SRGAP3: variants seen among roughly 807,000 people sequenced by gnomAD.
SRGAP3 encodes SLIT-ROBO Rho GTPase-activating protein 3.
In SRGAP3, 39 loss-of-function variants were observed where a neutral mutation model predicts 121.1. That is an observed-to-expected ratio of 0.32 (90% CI 0.25 to 0.42). SRGAP3 has a LOEUF of 0.42. Ranked by LOEUF, SRGAP3 falls within the 10% of genes least tolerant of loss-of-function variation. The pLI is 1.00. For synonymous variants in SRGAP3, 601 were observed against 570.0 expected (o/e 1.05, Z -0.77); for missense variants, 1,213 against 1,470.6 (o/e 0.82, Z 2.86).
chr3:9,285,444 GGA>G (rs1181568381), intron 3 of SRGAP3, among the ~76,000 whole-genome samples: 2 of 152,026 alleles, frequency 1.3e-5, no homozygotes, highest in Non-Finnish European at 2.9e-5. Flanking sequence ...CTACCTGTGA[GGA>G]GACTCATATT....
At chr3:9,198,849 T>C (rs1248376028) in intron 1 of SRGAP3, among the ~76,000 whole-genome samples, 1 of 152,110 alleles carries the variant, frequency 6.6e-6, no homozygotes, top group Non-Finnish European at 1.5e-5. Context: ...TGAAAACTCA[T>C]ACACAAACTG....
intron 17 of SRGAP3, among the ~76,000 whole-genome samples, chr3:9,012,652 G>A (rs949041992): frequency 3.3e-5 from 5 of 152,088 alleles, no homozygotes; most frequent in African/African-American, 1.2e-4. Flanking sequence ...AGGAGACAAG[G>A]GTAGGAAGTG....
At chr3:9,003,915 G>T (rs143267168) in intron 18 of SRGAP3, among the ~76,000 whole-genome samples, 3 of 152,032 alleles carry the variant, frequency 2.0e-5, no homozygotes, top group African/African-American at 7.2e-5. Flanking sequence ...GCAAGAAAAA[G>T]AAATAAAAGG....
intron 3 of SRGAP3, among the ~76,000 whole-genome samples, chr3:9,297,710 A>G (rs1180292136): frequency 2.0e-5 from 3 of 152,118 alleles, no homozygotes; most frequent in Non-Finnish European, 4.4e-5. Flanking sequence ...AGCCTGGCCA[A>G]CGTGGTGAAA....
intron 18 of SRGAP3, among the ~76,000 whole-genome samples, chr3:9,001,994 C>A (rs185221221): frequency 1.3e-5 from 2 of 152,020 alleles, no homozygotes; most frequent in Non-Finnish European, 2.9e-5. Flanking sequence ...TTCTCAATAA[C>A]GGAAAGAACA....
chr3:9,105,547 A>G (rs1948392480), intron 2 of SRGAP3, among the ~76,000 whole-genome samples: 1 of 152,312 alleles, frequency 6.6e-6, no homozygotes, highest in South Asian at 2.1e-4. Flanking sequence ...CAGCAAGAGC[A>G]TGACCTGGGG....
At chr3:9,220,812 T>A (rs1441563241) in intron 1 of SRGAP3, among the ~76,000 whole-genome samples, 5 of 152,008 alleles carry the variant, frequency 3.3e-5, no homozygotes, top group Non-Finnish European at 7.4e-5. Flanking sequence ...GGCCTTGAGG[T>A]CCCAAGCAAA....
At chr3:9,191,541 AG>A (rs1951753133) in intron 1 of SRGAP3, among the ~76,000 whole-genome samples, 1 of 152,224 alleles carries the variant, frequency 6.6e-6, no homozygotes, top group African/African-American at 2.4e-5. Flanking sequence ...GGCTCCACAC[AG>A]GACAGGATGA....
intron 14 of SRGAP3, among the ~76,000 whole-genome samples, chr3:9,019,459 C>A (rs751325574): frequency 8.5e-5 from 13 of 152,204 alleles, no homozygotes; most frequent in African/African-American, 3.1e-4. Context: ...AGCTGCTGGG[C>A]AGGTTCACCA....
chr3:8,995,720 C>T (rs1025531209), intron 18 of SRGAP3, among the ~76,000 whole-genome samples: 1 of 152,162 alleles, frequency 6.6e-6, no homozygotes, highest in Non-Finnish European at 1.5e-5. Context: ...GGGATTGTGC[C>T]TACAGTTTAT....
intron 1 of SRGAP3, among the ~76,000 whole-genome samples, chr3:9,339,272 A>G (rs1955742484): frequency 6.6e-6 from 1 of 152,232 alleles, no homozygotes; most frequent in Non-Finnish European, 1.5e-5. Flanking sequence ...AATACTGTTC[A>G]GCTCCCACTT....
At chr3:9,241,207 A>G (rs936513414) in intron 1 of SRGAP3, among the ~76,000 whole-genome samples, 1 of 152,188 alleles carries the variant, frequency 6.6e-6, no homozygotes, top group East Asian at 1.9e-4. Flanking sequence ...TCACAAAATT[A>G]GATACTCCAT....
Position 8,982,697 on chromosome 3 carries a change from A to C in SRGAP3, c.*2822T>G, listed in dbSNP as rs190962405. On this transcript the variant is annotated 3_prime_UTR_variant, in exon 22 of 22. Transcript: ENST00000383836. ...AGACATGCATAGTGCCAGATGAGGA[A>C]GTGGGAACAGGGGAGGGGGGCGGGA... 25 of 115,154 alleles carry C rather than the reference A, an allele frequency of 2.2e-4. No individual in the cohort carries two copies. The highest frequency in any genetic ancestry group is 7.6e-4 in the African/African-American group (22 of 29,048). The allele number at this position is 115,154 out of a possible 1,614,324, so 7.1% of individuals were successfully genotyped here.
rs1403737587 is a variant in SRGAP3 at position 9,109,279 on chromosome 3, G to A, written c.261-4437C>T. ...AAGACAACTGATCTGGAACTGATGG[G>A]GAATTGCTGGGACAGTTTGGGGACC... On this transcript the variant is annotated intron_variant, in intron 2 of 21. Coordinates refer to ENST00000383836, the MANE Select transcript of SRGAP3 (RefSeq NM_014850.4). The surrounding 1 kb of genome is among the most constrained non-coding windows in gnomAD (Gnocchi z 4.4). Among the ~76,000 whole-genome samples, 1 of 152,172 alleles carries A rather than the reference G, an allele frequency of 6.6e-6. No individual in the cohort carries two copies. The highest frequency in any genetic ancestry group is 2.4e-5 in the African/African-American group (1 of 41,448).
intron 21 of SRGAP3, among the ~76,000 whole-genome samples, 171 bp from the exon 22 acceptor site, chr3:8,986,103 T>A (rs1438673741): frequency 6.6e-6 from 1 of 151,988 alleles, no homozygotes; most frequent in Non-Finnish European, 1.5e-5. Context: ...AATGTGGATA[T>A]CCCCTGCATG....
chr3:9,052,118 G>A (rs1311825987), intron 9 of SRGAP3, among the ~76,000 whole-genome samples: 1 of 152,142 alleles, frequency 6.6e-6, no homozygotes, highest in Non-Finnish European at 1.5e-5. Context: ...GGATACTGAG[G>A]CTACTCAAAA....
chr3:9,296,095 T>C (rs1038882045), intron 3 of SRGAP3, among the ~76,000 whole-genome samples: 5 of 152,236 alleles, frequency 3.3e-5, no homozygotes, highest in African/African-American at 1.2e-4. Context: ...AATGCTGCTA[T>C]GAACATTAGT....
chr3:9,172,116 C>T (rs1951004571), intron 1 of SRGAP3, among the ~76,000 whole-genome samples: 2 of 136,230 alleles, frequency 1.5e-5, no homozygotes, highest in Non-Finnish European at 1.5e-5. Flanking sequence ...TTTTTTGAGA[C>T]AGGGTCTCGC....
chr3:9,025,458 AAC>A, intron 13 of SRGAP3, 120 bp from the exon 14 acceptor site: 1 of 1,139,328 alleles, frequency 8.8e-7, no homozygotes, highest in Admixed American at 1.9e-5. Context: ...GATCCTTTAT[AAC>A]AGAGTCGTTC....
Sources: gnomAD v4.1 joint callset for allele counts (sites outside exome capture counted in the v4.1 genomes callset) on GRCh38, gnomAD v4.1.1 for gene constraint, Gnocchi (gnomAD v3.1) non-coding constraint, MANE v1.5 for transcripts, NCBI Gene and HGNC (gene_info 2026-07-23, HGNC 2026-07-21) for gene names.